SLC24A2: variants seen among roughly 807,000 people sequenced by gnomAD.
SLC24A2 encodes solute carrier family 24 member 2, also known as sodium/potassium/calcium exchanger 2.
SLC24A2 carries 36 observed loss-of-function variants against 62.0 expected under a neutral mutation model. That is an observed-to-expected ratio of 0.58 (90% CI 0.44 to 0.77). SLC24A2 has a LOEUF of 0.77. SLC24A2 is among the 30% of genes least tolerant of loss of function. The probability of loss-of-function intolerance (pLI) is 0.00; values close to 1 mark genes in which losing one functional copy is unlikely to be tolerated. For missense variants in SLC24A2, 846 were observed against 817.9 expected, an observed-to-expected ratio of 1.03 and a Z score of -0.42; for synonymous variants, 358 against 294.0, an observed-to-expected ratio of 1.22 and a Z score of -2.23.
chr9:19,541,343 A>G (rs1338262361), intron 8 of SLC24A2, among the ~76,000 whole-genome samples: 2 of 149,638 alleles, frequency 1.3e-5, no homozygotes, highest in African/African-American at 2.4e-5. Context: ...GGTTTTATCT[A>G]CTTTTGGTCT....
rs141099150 is a variant in SLC24A2 at position 19,516,137 on chromosome 9, G to A, written c.*16C>T. 3.7e-6 allele frequency: 6 copies of A among 1,613,902 alleles called. No homozygotes were observed. The highest frequency in any genetic ancestry group is 2.7e-5 in the African/African-American group (2 of 74,940). On this transcript the variant is annotated 3_prime_UTR_variant, in exon 11 of 11. Transcript: ENST00000341998. ...GGGACCATTCATGCTGCTGGTGCAA[G>A]ATATGGCTTTTCCTGCTAGATGGAG...
the SLC24A2 span, among the ~76,000 whole-genome samples, chr9:19,987,809 A>G: frequency 3.9e-5 from 6 of 152,256 alleles, no homozygotes; most frequent in East Asian, 1.2e-3. Context: ...CGCTTCCCCA[A>G]AGAAAACTGA....
At chr9:19,621,716 T>C (rs1389877112) in intron 3 of SLC24A2, among the ~76,000 whole-genome samples, 1 of 152,218 alleles carries the variant, frequency 6.6e-6, no homozygotes, top group Non-Finnish European at 1.5e-5. Context: ...ATTATGGTCC[T>C]TATTCTGCGA....
the SLC24A2 span, among the ~76,000 whole-genome samples, chr9:19,862,927 G>C: frequency 6.6e-6 from 1 of 151,642 alleles, no homozygotes; most frequent in East Asian, 1.9e-4. Context: ...AGGAAACAAA[G>C]AAAGAAGGAA....
the SLC24A2 span, among the ~76,000 whole-genome samples, chr9:19,840,729 A>C: frequency 1.3e-5 from 2 of 152,138 alleles, no homozygotes; most frequent in Non-Finnish European, 2.9e-5. Flanking sequence ...CACCCCAATC[A>C]AGCATACAAC....
At chr9:20,220,673 T>C in the SLC24A2 span, among the ~76,000 whole-genome samples, 1 of 152,188 alleles carries the variant, frequency 6.6e-6, no homozygotes. Context: ...GAGTTTCCTA[T>C]TTCTTTTTCT....
At chr9:19,567,174 GAAAA>G (rs55924253) in intron 7 of SLC24A2, among the ~76,000 whole-genome samples, 1 of 138,150 alleles carries the variant, frequency 7.2e-6, no homozygotes, top group East Asian at 2.1e-4. Flanking sequence ...AAAGAATCTG[GAAAA>G]AAAAAAAAGA....
At chr9:19,645,639 C>T (rs1818619444) in intron 2 of SLC24A2, among the ~76,000 whole-genome samples, 1 of 152,082 alleles carries the variant, frequency 6.6e-6, no homozygotes, top group Non-Finnish European at 1.5e-5. Context: ...AGGCCAAGTA[C>T]AGAGCGGCAT....
At chr9:19,568,829 A>G (rs1835753797) in intron 7 of SLC24A2, among the ~76,000 whole-genome samples, 3 of 152,204 alleles carry the variant, frequency 2.0e-5, no homozygotes. Flanking sequence ...GGTGCATATT[A>G]AAAAGCTTCC....
At chr9:20,280,148 G>C in the SLC24A2 span, among the ~76,000 whole-genome samples, 1 of 152,136 alleles carries the variant, frequency 6.6e-6, no homozygotes, top group Non-Finnish European at 1.5e-5. Context: ...TAGGGGAGTG[G>C]GCTTGGGAGA....
the SLC24A2 span, among the ~76,000 whole-genome samples, chr9:20,140,444 T>A: frequency 1.3e-5 from 2 of 152,206 alleles, no homozygotes; most frequent in Admixed American, 1.3e-4. Context: ...GTGTTTGGCA[T>A]CTTCTGATGG....
intron 2 of SLC24A2, among the ~76,000 whole-genome samples, chr9:19,771,996 A>C (rs1822704973): frequency 6.6e-6 from 1 of 152,186 alleles, no homozygotes; most frequent in African/African-American, 2.4e-5. Context: ...ACAGCAAAAC[A>C]GGCAAAGTTC....
At chr9:19,661,531 T>C (rs964118107) in intron 2 of SLC24A2, among the ~76,000 whole-genome samples, 5 of 152,178 alleles carry the variant, frequency 3.3e-5, no homozygotes, top group Non-Finnish European at 7.4e-5. Flanking sequence ...AAAAATACAA[T>C]GTTGGACCAA....
the SLC24A2 span, among the ~76,000 whole-genome samples, chr9:19,949,054 T>TGGAG: frequency 6.6e-6 from 1 of 151,716 alleles, no homozygotes; most frequent in African/African-American, 2.4e-5. Flanking sequence ...AGTGCAGTGG[T>TGGAG]GCCATCTCAG....
At chr9:20,211,827 T>C in the SLC24A2 span, among the ~76,000 whole-genome samples, 3 of 152,130 alleles carry the variant, frequency 2.0e-5, no homozygotes, top group African/African-American at 7.2e-5. Context: ...ATATTTGTGT[T>C]TGTGTTTGTT....
the SLC24A2 span, among the ~76,000 whole-genome samples, chr9:20,202,328 T>C: frequency 2.6e-5 from 4 of 152,220 alleles, no homozygotes; most frequent in Admixed American, 6.5e-5. Flanking sequence ...GTGATTGTTG[T>C]TGTTAACCGA....
At chr9:19,638,361 G>A (rs186066275) in intron 2 of SLC24A2, among the ~76,000 whole-genome samples, 1 of 152,322 alleles carries the variant, frequency 6.6e-6, no homozygotes, top group African/African-American at 2.4e-5. Flanking sequence ...ATTTTAGTAA[G>A]TTGAATTTAC....
At chr9:19,937,415 C>T in the SLC24A2 span, among the ~76,000 whole-genome samples, 1 of 152,202 alleles carries the variant, frequency 6.6e-6, no homozygotes, top group Non-Finnish European at 1.5e-5. Context: ...CACTCAAGTG[C>T]AACTTAGATA....
chr9:19,846,011 C>A, the SLC24A2 span, among the ~76,000 whole-genome samples: 1 of 151,728 alleles, frequency 6.6e-6, no homozygotes, highest in South Asian at 2.1e-4. Flanking sequence ...TATGGCTGAG[C>A]ATGTGGTCGA....
Sources: gnomAD v4.1 joint callset for allele counts (sites outside exome capture counted in the v4.1 genomes callset) on GRCh38, gnomAD v4.1.1 for gene constraint, MANE v1.5 for transcripts, NCBI Gene and HGNC (gene_info 2026-07-23, HGNC 2026-07-21) for gene names.